The following LINGO2 variants were observed in gnomAD, a reference collection of about 807,000 sequenced individuals.
LINGO2 encodes leucine-rich repeat and immunoglobulin-like domain-containing nogo receptor-interacting protein 2.
LINGO2 carries 14 observed loss-of-function variants against 30.6 expected under a neutral mutation model. The ratio of observed to expected loss-of-function variants is 0.46; its 90% confidence interval spans 0.30 to 0.72. LINGO2 has a LOEUF of 0.72. Ranked by LOEUF, LINGO2 falls within the 30% of genes least tolerant of loss-of-function variation. The pLI, the probability that LINGO2 is intolerant of heterozygous loss-of-function variation, is 0.07. For synonymous variants in LINGO2, 317 were observed against 288.5 expected, an observed-to-expected ratio of 1.10 and a Z score of -1.00; for missense variants, 729 against 751.7, an observed-to-expected ratio of 0.97 and a Z score of 0.35.
At chr9:28,894,535 A>G in the LINGO2 span, among the ~76,000 whole-genome samples, 4 of 151,912 alleles carry the variant, frequency 2.6e-5, no homozygotes, top group East Asian at 7.7e-4. Flanking sequence ...ATACACTGCT[A>G]TATTTTCTTC....
At chr9:28,557,634 A>G (rs1378286737) in intron 1 of LINGO2, among the ~76,000 whole-genome samples, 1 of 151,854 alleles carries the variant, frequency 6.6e-6, no homozygotes, top group Non-Finnish European at 1.5e-5. Context: ...TGACCCAGCC[A>G]TCCCATTACT....
the LINGO2 span, among the ~76,000 whole-genome samples, chr9:28,930,492 A>C: frequency 6.6e-6 from 1 of 152,220 alleles, no homozygotes; most frequent in Admixed American, 6.5e-5. The surrounding 1 kb of genome is among the most constrained non-coding windows in gnomAD (Gnocchi z 4.2). Context: ...AATGACATTG[A>C]CTATGTGATA....
exon 6 of LINGO2, chr9:27,949,801 C>G (rs1370730555): frequency 6.2e-7 from 1 of 1,614,088 alleles, no homozygotes; most frequent in Non-Finnish European, 8.5e-7. Flanking sequence ...GAGAACATGC[C>G]TGCTTCAATA....
the LINGO2 span, among the ~76,000 whole-genome samples, chr9:29,091,187 G>C: frequency 6.6e-6 from 1 of 151,930 alleles, no homozygotes; most frequent in Non-Finnish European, 1.5e-5. Flanking sequence ...AATTATCAAA[G>C]GATTATTGTA....
the LINGO2 span, among the ~76,000 whole-genome samples, chr9:28,852,162 G>A: frequency 2.6e-5 from 4 of 151,970 alleles, no homozygotes; most frequent in Admixed American, 2.6e-4. Flanking sequence ...ATGGATAGGG[G>A]AAGAGGGTAT....
chr9:29,021,165 A>G, the LINGO2 span, among the ~76,000 whole-genome samples: 1 of 152,138 alleles, frequency 6.6e-6, no homozygotes, highest in African/African-American at 2.4e-5. Flanking sequence ...CTGAGAACAG[A>G]GGATATTTAG....
At chr9:29,007,668 G>C in the LINGO2 span, among the ~76,000 whole-genome samples, 1 of 152,022 alleles carries the variant, frequency 6.6e-6, no homozygotes, top group Non-Finnish European at 1.5e-5. Context: ...AATTGTTTCT[G>C]AGACCAATGA....
the LINGO2 span, among the ~76,000 whole-genome samples, chr9:28,706,141 T>C: frequency 1.3e-5 from 2 of 152,134 alleles, no homozygotes; most frequent in Non-Finnish European, 2.9e-5. Flanking sequence ...GCTTTGAAGA[T>C]AAACCAGTTC....
the LINGO2 span, among the ~76,000 whole-genome samples, chr9:28,831,968 ATT>A: frequency 6.6e-6 from 1 of 152,208 alleles, no homozygotes. Context: ...GTGGCATTAG[ATT>A]TGAACAGATC....
chr9:28,053,356 C>A (rs996639353), intron 4 of LINGO2, among the ~76,000 whole-genome samples: 2 of 151,782 alleles, frequency 1.3e-5, no homozygotes, highest in African/African-American at 2.4e-5. Flanking sequence ...TCGTAAGAGA[C>A]AAAACTAGAA....
rs573982095 is a variant in LINGO2, at chr9:28,286,374, G to A, written c.-87+8834C>T. 1.6e-4 allele frequency among the ~76,000 whole-genome samples: 25 copies of A among 152,266 alleles called. 1 individual carries two copies. Among genetic ancestry groups the A allele is most frequent in the African/African-American group, 3.9e-4 (16 of 41,556 alleles). On this transcript the variant is annotated intron_variant, in intron 4 of 5. Coordinates refer to ENST00000379992, the Ensembl canonical transcript of LINGO2. ...ACACTATTAGAGGAAGTTTAAATTC[G>A]TTCAGCCGTTGTGGAAGACAGTATG...
At chr9:28,043,314 G>A (rs1824275075) in intron 4 of LINGO2, among the ~76,000 whole-genome samples, 1 of 152,230 alleles carries the variant, frequency 6.6e-6, no homozygotes, top group African/African-American at 2.4e-5. Context: ...TTCACTAGCT[G>A]TGTTGACTGC....
chr9:28,695,350 G>A, the LINGO2 span, among the ~76,000 whole-genome samples: 4 of 151,774 alleles, frequency 2.6e-5, no homozygotes, highest in Non-Finnish European at 5.9e-5. Flanking sequence ...TATCCAGTTT[G>A]GTCAAAGAGG....
the LINGO2 span, among the ~76,000 whole-genome samples, chr9:28,875,132 T>G: frequency 1.3e-5 from 2 of 152,102 alleles, no homozygotes; most frequent in Non-Finnish European, 2.9e-5. Flanking sequence ...TAGATTCTGG[T>G]TCTCCTCAAT....
At chr9:28,730,755 ACT>A in the LINGO2 span, among the ~76,000 whole-genome samples, 1 of 152,180 alleles carries the variant, frequency 6.6e-6, no homozygotes, top group African/African-American at 2.4e-5. Flanking sequence ...CATTAGGGAA[ACT>A]CAAGCTAAAA....
At chr9:28,354,054 A>T (rs10812787) in intron 3 of LINGO2, among the ~76,000 whole-genome samples, 59,214 of 151,890 alleles carry the variant, frequency 0.39, 12,125 homozygotes, top group South Asian at 0.55. Flanking sequence ...CTAATGCTAG[A>T]TGACGAGTTA....
intron 1 of LINGO2, among the ~76,000 whole-genome samples, chr9:28,509,160 T>C (rs894591702): frequency 1.3e-5 from 2 of 152,188 alleles, no homozygotes; most frequent in African/African-American, 4.8e-5. Flanking sequence ...TTAGGCTCTT[T>C]TTAAATTCCT....
chr9:28,534,398 T>C (rs992997464), intron 1 of LINGO2, among the ~76,000 whole-genome samples: 3 of 152,166 alleles, frequency 2.0e-5, no homozygotes, highest in Non-Finnish European at 2.9e-5. Flanking sequence ...ATGCACTGTT[T>C]TTACTGAAAA....
At chr9:29,171,371 C>T in the LINGO2 span, among the ~76,000 whole-genome samples, 1 of 152,192 alleles carries the variant, frequency 6.6e-6, no homozygotes, top group African/African-American at 2.4e-5. Context: ...CATTTAAAGT[C>T]TTAGAACTTG....
Sources: allele counts gnomAD v4.1 joint callset (sites outside exome capture counted in the v4.1 genomes callset), GRCh38; gene constraint gnomAD v4.1.1; non-coding constraint Gnocchi (gnomAD v3.1); transcripts MANE v1.5; gene names NCBI Gene and HGNC (gene_info 2026-07-23, HGNC 2026-07-21).